The following ZBED4 variants were observed in gnomAD, a reference collection of about 807,000 sequenced individuals.
ZBED4 encodes zinc finger BED-type containing 4.
Under a neutral mutation model 15.5 loss-of-function variants are expected in ZBED4, and 4 were observed. That is an observed-to-expected ratio of 0.26 (90% CI 0.13 to 0.59). The LOEUF (loss-of-function observed/expected upper bound fraction) is 0.59, where lower values mean the gene tolerates loss of function less well. ZBED4 is among the 20% of genes least tolerant of loss of function. The pLI is 0.90. For synonymous variants in ZBED4, 692 were observed against 608.5 expected (o/e 1.14, Z -2.02); for missense variants, 1,323 against 1,461.8 (o/e 0.91, Z 1.55).
chr22:49,886,482 C>T lies in ZBED4; in HGVS notation c.2820C>T (p.Phe940=), dbSNP rs756539529. The stretch of plus-strand genomic sequence containing the variant: ...CCGTGTGCCGTGCGCTAAAGCCCTT[C>T]GAGGCTGCGAGCCGGGAGATGAGCA... ...MQSVCRALKP[F]EAASREMSTQ... The change falls in exon 2 of 2, where the codon TTC becomes TTT. Residue 940 remains phenylalanine (F), a synonymous_variant. Transcript: ENST00000216268. The surrounding 1 kb of genome is among the most constrained non-coding windows in gnomAD (Gnocchi z 7.7). 2.0e-5 allele frequency: 31 copies of T among 1,568,548 alleles called. No individual in the cohort carries two copies. Among genetic ancestry groups the T allele is most frequent in the Middle Eastern group, 3.4e-4 (2 of 5,860 alleles).
Position 49,883,587 on chromosome 22 carries a change from C to T in ZBED4, c.-76C>T. 8 of 1,441,470 alleles carry T rather than the reference C, an allele frequency of 5.5e-6. No homozygotes were observed. The highest frequency in any genetic ancestry group is 7.3e-6 in the Non-Finnish European group (8 of 1,095,062). 89.3% of individuals were successfully genotyped at this position (1,441,470 alleles called of 1,614,324 possible). ...ATGACGAAAAAGTGAAGATAATCTA[C>T]ATTCGGGGGCACAAATGAGCACTTG... is the stretch of plus-strand genomic sequence containing the variant. On this transcript the variant is annotated 5_prime_UTR_variant, in exon 2 of 2. Coordinates refer to ENST00000216268, the MANE Select transcript of ZBED4 (RefSeq NM_014838.3).
chr22:49,870,977 G>A (rs1227353267), intron 1 of ZBED4, among the ~76,000 whole-genome samples: 1 of 144,054 alleles, frequency 6.9e-6, no homozygotes, highest in Non-Finnish European at 1.5e-5. Flanking sequence ...GTCTCACTCT[G>A]TTACCCAGGC....
At position 49,885,429 on chromosome 22, in the gene ZBED4, G is replaced by T; in HGVS notation, c.1767G>T (p.Gly589=). Residue 589 remains glycine, a synonymous_variant, in exon 2 of 2, where the codon GGG becomes GGT. Transcript: ENST00000216268. The part of the protein sequence containing the change: ...CLHCGRTISR[G]KKPTNLGTSC... ...ACTGTGGCCGGACCATCAGCCGGGG[G>T]AAGAAGCCGACTAACTTGGGTACCA... is the stretch of plus-strand genomic sequence containing the variant. 6.2e-7 allele frequency: 1 copy of T among 1,609,502 alleles called. No homozygotes were observed. Among genetic ancestry groups the T allele is most frequent in the Non-Finnish European group, 8.5e-7 (1 of 1,176,114 alleles).
intron 1 of ZBED4, among the ~76,000 whole-genome samples, chr22:49,861,083 C>T (rs746185095): frequency 9.2e-5 from 14 of 152,110 alleles, no homozygotes; most frequent in Non-Finnish European, 1.5e-4. Flanking sequence ...GCCTAGGCAA[C>T]GCTTTTTACT....
intron 1 of ZBED4, among the ~76,000 whole-genome samples, chr22:49,872,668 T>C (rs182278412): frequency 6.6e-6 from 1 of 152,104 alleles, no homozygotes; most frequent in East Asian, 1.9e-4. Flanking sequence ...TAGCTGGGAC[T>C]GCAGGTGTAT....
intron 1 of ZBED4, among the ~76,000 whole-genome samples, chr22:49,875,713 G>A (rs923469805): frequency 6.6e-6 from 1 of 151,800 alleles, no homozygotes; most frequent in Non-Finnish European, 1.5e-5. Context: ...GAGTCACCCC[G>A]CCCAGCTTGT....
intron 1 of ZBED4, among the ~76,000 whole-genome samples, chr22:49,867,264 TA>T (rs1281816553): frequency 6.6e-6 from 1 of 152,380 alleles, no homozygotes; most frequent in Non-Finnish European, 1.5e-5. Context: ...AGGACTTGTA[TA>T]GTTTCAGTCC....
In ZBED4 at chr22:49,886,465, C is replaced by T. The variant is rs1056271900; in HGVS notation, c.2803C>T (p.Arg935Cys). Residue 935 changes from arginine to cysteine, a missense_variant, in exon 2 of 2, where the codon CGT becomes TGT. Around this residue, in one of 6 missense-constraint regions of ZBED4, gnomAD observed 312 missense variants for 410.7 expected, o/e 0.76. Coordinates refer to ENST00000216268, the MANE Select transcript of ZBED4 (RefSeq NM_014838.3). This position sits in a 1 kb window ranked among gnomAD's most constrained non-coding sequence, Gnocchi z 7.7. ...DQWEVMQSVC[R>C]ALKPFEAASR... Reference sequence around the variant, plus strand: ...GTGGGAGGTCATGCAGTCCGTGTGCCGTGCGCTAAAGCCCTTCGAGGCTGC... The same window carrying T: ...GTGGGAGGTCATGCAGTCCGTGTGCTGTGCGCTAAAGCCCTTCGAGGCTGC... 13 of 1,572,298 alleles carry T rather than the reference C, an allele frequency of 8.3e-6. No individual in the cohort carries two copies. In the East Asian group the frequency reaches 1.1e-4, roughly 14 times the overall value.
intron 1 of ZBED4, among the ~76,000 whole-genome samples, chr22:49,863,496 G>A (rs1280042197): frequency 3.3e-5 from 5 of 152,118 alleles, no homozygotes; most frequent in African/African-American, 4.8e-5. Context: ...GCGTGGTGGC[G>A]AGTGCCTGTA....
chr22:49,853,528 C>G (rs1209395058), upstream of ZBED4, among the ~76,000 whole-genome samples: 1 of 152,192 alleles, frequency 6.6e-6, no homozygotes, highest in Admixed American at 6.5e-5. Flanking sequence ...AGCCACGGGA[C>G]GAAACCAAGG....
At position 49,889,042 on chromosome 22, in the gene ZBED4, CCAAAA is replaced by C. The variant is rs748268386; in HGVS notation, c.*1868_*1872del. The C allele has an allele frequency of 6.0e-6, 1 of 167,218 alleles. No homozygotes were observed. The highest frequency in any genetic ancestry group is 6.5e-5 in the Admixed American group (1 of 15,284). 10.4% of individuals were successfully genotyped at this position (167,218 alleles called of 1,614,324 possible). A position where few individuals can be genotyped will look rare whatever the true frequency, so the allele number is the denominator to read the frequency against. ...ATATTGAGCTTCATGGATTTTCTCT[CCAAAA>C]CAAGCCAGCACAACTAACTGTAGCA... On this transcript the variant is annotated 3_prime_UTR_variant, in exon 2 of 2. Coordinates refer to ENST00000216268, the MANE Select transcript of ZBED4 (RefSeq NM_014838.3).
intron 1 of ZBED4, among the ~76,000 whole-genome samples, chr22:49,877,830 G>A (rs148702304): frequency 1.4e-3 from 211 of 152,196 alleles, no homozygotes; most frequent in African/African-American, 5.0e-3. Context: ...CCTCCCGCCA[G>A]CACAGACCTG....
chr22:49,885,535 C>G lies in ZBED4; in HGVS notation c.1873C>G (p.Pro625Ala). Reference protein sequence around the residue: ...EVSETARPSSPDTRVPRGTEL... With the variant: ...EVSETARPSSADTRVPRGTEL... Reference sequence around the variant, plus strand: ...CTCGGAGACGGCTCGGCCCTCCTCTCCGGACACCCGGGTGCCGCGGGGCAC... The same window carrying G: ...CTCGGAGACGGCTCGGCCCTCCTCTGCGGACACCCGGGTGCCGCGGGGCAC... The change falls in exon 2 of 2, where the codon CCG becomes GCG. Residue 625 changes from proline to alanine, a missense_variant. By Grantham distance (27) the Pro-to-Ala change is conservative. Transcript: ENST00000216268. 1 of 1,607,746 alleles carries G rather than the reference C, an allele frequency of 6.2e-7. No individual in the cohort carries two copies.
chr22:49,865,272 C>T (rs950601013), intron 1 of ZBED4, among the ~76,000 whole-genome samples: 9 of 152,046 alleles, frequency 5.9e-5, no homozygotes, highest in African/African-American at 9.7e-5. Context: ...CAGATGGTGT[C>T]GTTATCTTAT....
chr22:49,884,691 C>A lies in ZBED4; in HGVS notation c.1029C>A (p.Asn343Lys). 6.3e-7 allele frequency: 1 copy of A among 1,599,968 alleles called. No homozygotes were observed. Among genetic ancestry groups the A allele is most frequent in the Middle Eastern group, 1.7e-4 (1 of 6,002 alleles). Residue 343 changes from asparagine (N) to lysine (K), a missense_variant, in exon 2 of 2, where the codon AAC becomes AAA. Physicochemically the swap from Asn to Lys is moderately conservative, Grantham distance 94 (BLOSUM62 0). This residue lies in a region of ZBED4 where 429 missense variants were observed against 397.9 expected (regional missense o/e 1.08). Coordinates refer to ENST00000216268, the MANE Select transcript of ZBED4 (RefSeq NM_014838.3). ...ACCGCGCCATCGTGTTGCAGGAGAA[C>A]GGGGGCACGGGCATCCCGCCACTGT... ...RAHRAIVLQE[N>K]GGTGIPPLYS...
intron 1 of ZBED4, among the ~76,000 whole-genome samples, chr22:49,856,264 A>G (rs1202444069): frequency 1.3e-5 from 2 of 152,236 alleles, no homozygotes; most frequent in Non-Finnish European, 2.9e-5. Flanking sequence ...TGCTGGGGCC[A>G]TGGTGGTTTT....
At chr22:49,872,612 C>A (rs935806432) in intron 1 of ZBED4, among the ~76,000 whole-genome samples, 1 of 152,220 alleles carries the variant, frequency 6.6e-6, no homozygotes, top group African/African-American at 2.4e-5. Flanking sequence ...TCACTGCAGT[C>A]TCAACCTCTT....
chr22:49,877,911 T>C (rs2060386379), intron 1 of ZBED4, among the ~76,000 whole-genome samples: 1 of 152,170 alleles, frequency 6.6e-6, no homozygotes, highest in African/African-American at 2.4e-5. Context: ...ATTCATTCTT[T>C]TGTTATTGCT....
chr22:49,867,585 G>A (rs567334111), intron 1 of ZBED4, among the ~76,000 whole-genome samples: 1 of 152,310 alleles, frequency 6.6e-6, no homozygotes, highest in Admixed American at 6.5e-5. Context: ...ACCCTCCTCT[G>A]CTTTGCAGAT....
Sources: allele counts gnomAD v4.1 joint callset (sites outside exome capture counted in the v4.1 genomes callset), GRCh38; gene constraint gnomAD v4.1.1; regional missense constraint gnomAD v4.1.1; non-coding constraint Gnocchi (gnomAD v3.1); transcripts MANE v1.5; gene names NCBI Gene and HGNC (gene_info 2026-07-23, HGNC 2026-07-21).